SLC2A13: variants seen among roughly 807,000 people sequenced by gnomAD.
SLC2A13 encodes proton myo-inositol cotransporter.
In SLC2A13, 32 loss-of-function variants were observed where a neutral mutation model predicts 64.4. The ratio of observed to expected loss-of-function variants is 0.50; its 90% CI spans 0.37 to 0.67. SLC2A13 has a LOEUF of 0.67. Ranked by LOEUF, SLC2A13 falls within the 30% of genes least tolerant of loss-of-function variation. SLC2A13 has a pLI of 0.00. For missense variants in SLC2A13, 743 were observed against 829.2 expected, an observed-to-expected ratio of 0.90 and a Z score of 1.28; for synonymous variants, 338 against 327.1, an observed-to-expected ratio of 1.03 and a Z score of -0.36.
At chr12:40,084,839 T>G (rs944275600) in intron 1 of SLC2A13, among the ~76,000 whole-genome samples, 1 of 152,170 alleles carries the variant, frequency 6.6e-6, no homozygotes, top group African/African-American at 2.4e-5. Context: ...GTGATGTCTT[T>G]TTGTATGCTA....
At position 39,812,996 on chromosome 12, in the gene SLC2A13, A is replaced by ATTTTTTTTTTTTTTTTTTT; in HGVS notation, c.1445+17088_1445+17106dup. Among the ~76,000 whole-genome samples, 13 of 40,616 alleles carry ATTTTTTTTTTTTTTTTTTT rather than the reference A, an allele frequency of 3.2e-4. 4 individuals carry two copies. The highest frequency in any genetic ancestry group is 1.9e-3 in the South Asian group (1 of 520). The allele number at this position is 40,616 out of a possible 152,430, so 26.6% of individuals were successfully genotyped here. ...AGGCGCCTGACATCATGCCCAGCTA[A>ATTTTTTTTTTTTTTTTTTT]TTTTTTTTTTTTTTTTTTTTTTTTT... is the stretch of plus-strand genomic sequence containing the variant. On this transcript the variant is annotated intron_variant, in intron 7 of 9. Transcript: ENST00000280871.
intron 2 of SLC2A13, among the ~76,000 whole-genome samples, chr12:40,041,541 T>C (rs555482076): frequency 6.6e-6 from 1 of 152,342 alleles, no homozygotes; most frequent in East Asian, 1.9e-4. Flanking sequence ...AAAAAAAGTC[T>C]CTCTCCTATA....
chr12:39,970,051 C>T (rs1037817369), intron 3 of SLC2A13, among the ~76,000 whole-genome samples: 3 of 152,124 alleles, frequency 2.0e-5, no homozygotes, highest in South Asian at 4.1e-4. Flanking sequence ...ATTTGTTAAA[C>T]AGGGAATCCT....
intron 7 of SLC2A13, among the ~76,000 whole-genome samples, chr12:39,823,201 A>T: frequency 6.6e-6 from 1 of 152,208 alleles, no homozygotes; most frequent in East Asian, 1.9e-4. Flanking sequence ...AGTCAAATGG[A>T]TTAAAATATT....
intron 1 of SLC2A13, among the ~76,000 whole-genome samples, chr12:40,102,692 T>C (rs1448456527): frequency 1.3e-5 from 2 of 152,170 alleles, no homozygotes; most frequent in African/African-American, 4.8e-5. Context: ...ACATAAAATT[T>C]AACTACTTAA....
At chr12:39,769,115 A>G (rs1159839586) in intron 7 of SLC2A13, among the ~76,000 whole-genome samples, 1 of 152,054 alleles carries the variant, frequency 6.6e-6, no homozygotes, top group East Asian at 1.9e-4. Context: ...AGTTCATGCC[A>G]TTTTATCTCA....
intron 1 of SLC2A13, among the ~76,000 whole-genome samples, chr12:40,092,041 C>T (rs917776027): frequency 3.9e-5 from 6 of 152,168 alleles, no homozygotes; most frequent in African/African-American, 1.4e-4. Context: ...ACATATTTTT[C>T]TATTACTGTC....
intron 3 of SLC2A13, among the ~76,000 whole-genome samples, chr12:39,995,072 T>A (rs1947204561): frequency 6.6e-6 from 1 of 152,204 alleles, no homozygotes; most frequent in South Asian, 2.1e-4. Context: ...AGTTAACCAG[T>A]ATGAGAAAGC....
chr12:39,960,569 A>G (rs1946390837), intron 3 of SLC2A13, among the ~76,000 whole-genome samples: 1 of 151,964 alleles, frequency 6.6e-6, no homozygotes, highest in Non-Finnish European at 1.5e-5. Context: ...TAGTAGAGAC[A>G]GGGTTTCACC....
Position 39,972,014 on chromosome 12 carries a change from ATTTTTTTT to A in SLC2A13, c.926-20657_926-20650del, listed in dbSNP as rs1217967420. 2.5e-3 allele frequency among the ~76,000 whole-genome samples: 31 copies of A among 12,176 alleles called. 1 individual carries two copies. Among genetic ancestry groups the A allele is most frequent in the Middle Eastern group, 0.062 (1 of 16 alleles). 8.0% of individuals were successfully genotyped at this position (12,176 alleles called of 152,430 possible). On this transcript the variant is annotated intron_variant, in intron 3 of 9. Transcript: ENST00000280871. ...AAAAAAAAAATATATATATATATAT[ATTTTTTTT>A]TATATAAATATATATATAAATTATA...
chr12:40,086,731 C>T (rs1034000823), intron 1 of SLC2A13, among the ~76,000 whole-genome samples: 3 of 152,322 alleles, frequency 2.0e-5, no homozygotes, highest in African/African-American at 4.8e-5. Flanking sequence ...CATTCATAGG[C>T]GTCAGGACTA....
chr12:39,832,588 CCTA>C (rs1193152728), intron 6 of SLC2A13, among the ~76,000 whole-genome samples: 1 of 152,036 alleles, frequency 6.6e-6, no homozygotes, highest in African/African-American at 2.4e-5. Context: ...CTTCCTGTGA[CCTA>C]CTATGTGCCA....
intron 4 of SLC2A13, among the ~76,000 whole-genome samples, chr12:39,925,117 C>T (rs1209157416): frequency 2.7e-5 from 4 of 149,430 alleles, no homozygotes; most frequent in South Asian, 4.2e-4. Flanking sequence ...ATCGCTCACT[C>T]GATCTCCTGA....
chr12:39,883,564 G>A (rs1592239000), intron 4 of SLC2A13, among the ~76,000 whole-genome samples: 1 of 152,140 alleles, frequency 6.6e-6, no homozygotes, highest in Admixed American at 6.6e-5. Flanking sequence ...TTAAGAGCCT[G>A]AGTGTGAAAA....
At chr12:40,056,709 T>C (rs1409402167) in intron 1 of SLC2A13, among the ~76,000 whole-genome samples, 2 of 152,124 alleles carry the variant, frequency 1.3e-5, no homozygotes, top group Non-Finnish European at 2.9e-5. Flanking sequence ...ACAAGGAATA[T>C]GTACAGAATA....
intron 7 of SLC2A13, among the ~76,000 whole-genome samples, chr12:39,807,060 A>G (rs1347622431): frequency 1.3e-5 from 2 of 152,116 alleles, no homozygotes; most frequent in Non-Finnish European, 2.9e-5. Context: ...TGCAAAAGTA[A>G]TTATAGTTTT....
intron 3 of SLC2A13, among the ~76,000 whole-genome samples, chr12:39,993,749 C>G (rs1947178135): frequency 6.6e-6 from 1 of 152,080 alleles, no homozygotes; most frequent in Non-Finnish European, 1.5e-5. Flanking sequence ...GTGTTATGTT[C>G]TTATGTAATG....
At chr12:39,980,951 G>C (rs1362890726) in intron 3 of SLC2A13, among the ~76,000 whole-genome samples, 2 of 151,760 alleles carry the variant, frequency 1.3e-5, no homozygotes, top group Admixed American at 1.3e-4. Context: ...AAATGTAAAA[G>C]AACAGAAATT....
In SLC2A13 at chr12:40,056,535, A is replaced by G. The variant is rs576469089; in HGVS notation, c.557-8325T>C. ...GAAATCAATATGCTTTCCCCAAGGC[A>G]GTGAATTTAACAAGCAACAGCATAA... On this transcript the variant is annotated intron_variant, in intron 1 of 9. Transcript: ENST00000280871. Among the ~76,000 whole-genome samples the G allele has an allele frequency of 2.6e-5, 4 of 152,322 alleles. No homozygotes were observed. The South Asian group carries it at 6.2e-4, about 24-fold the overall frequency.
Sources: allele counts gnomAD v4.1 joint callset (sites outside exome capture counted in the v4.1 genomes callset), GRCh38; gene constraint gnomAD v4.1.1; transcripts MANE v1.5; gene names NCBI Gene and HGNC (gene_info 2026-07-23, HGNC 2026-07-21).